Variants in MBD5 observed in about 807,000 individuals in gnomAD.
MBD5 encodes the protein methyl-CpG-binding domain protein 5.
In MBD5, 13 loss-of-function variants were observed where a neutral mutation model predicts 117.3. The ratio of observed to expected loss-of-function variants is 0.11; its 90% CI spans 0.07 to 0.18. MBD5 has a LOEUF of 0.18. Among genes scored for constraint, MBD5 ranks in the 10% least tolerant of loss-of-function variants. The pLI, the probability that MBD5 is intolerant of heterozygous loss-of-function variation, is 1.00. For synonymous variants in MBD5, 727 were observed against 766.4 expected, an observed-to-expected ratio of 0.95 and a Z score of 0.85; for missense variants, 1,879 against 2,093.8, an observed-to-expected ratio of 0.90 and a Z score of 2.00.
chr2:148,431,811 T>C (rs1031883258), intron 4 of MBD5, among the ~76,000 whole-genome samples: 3 of 152,222 alleles, frequency 2.0e-5, no homozygotes, highest in Admixed American at 1.3e-4. Flanking sequence ...TGATTCCATG[T>C]CTGTCCTGTT....
At chr2:148,288,830 T>C (rs1701431208) in intron 3 of MBD5, among the ~76,000 whole-genome samples, 1 of 152,238 alleles carries the variant, frequency 6.6e-6, no homozygotes, top group Non-Finnish European at 1.5e-5. Flanking sequence ...TTTTAAAGGC[T>C]GATGCTTATG....
At chr2:148,472,094 T>C in intron 8 of MBD5, 1 of 152,120 alleles carries the variant, frequency 6.6e-6, no homozygotes, top group East Asian at 1.9e-4. Context: ...TTCATTGATG[T>C]ATTTCAATTC....
intron 1 of MBD5, chr2:148,025,978 C>T (rs1036507655): frequency 6.6e-6 from 1 of 152,036 alleles, no homozygotes; most frequent in Non-Finnish European, 1.5e-5. Flanking sequence ...CATGTGTAAT[C>T]GAAAAGTATA....
At chr2:148,268,967 A>G (rs916115439) in intron 3 of MBD5, among the ~76,000 whole-genome samples, 1 of 151,986 alleles carries the variant, frequency 6.6e-6, no homozygotes, top group Non-Finnish European at 1.5e-5. Context: ...ACACTCAGTA[A>G]ATATTAAATG....
intron 3 of MBD5, among the ~76,000 whole-genome samples, chr2:148,303,554 C>A (rs1246616754): frequency 1.3e-5 from 2 of 151,840 alleles, no homozygotes; most frequent in Non-Finnish European, 2.9e-5. Flanking sequence ...GTTATTTTAA[C>A]TGACAAAAAA....
intron 4 of MBD5, among the ~76,000 whole-genome samples, chr2:148,394,383 C>CT (rs1483153750): frequency 1.3e-5 from 2 of 151,894 alleles, no homozygotes; most frequent in African/African-American, 4.8e-5. Flanking sequence ...TTATTCAAGT[C>CT]TATGTTATAA....
At chr2:148,295,268 TATCA>T (rs1701621676) in intron 3 of MBD5, among the ~76,000 whole-genome samples, 1 of 152,222 alleles carries the variant, frequency 6.6e-6, no homozygotes, top group Admixed American at 6.5e-5. Flanking sequence ...ACATAATCTC[TATCA>T]ATCTATCATC....
intron 3 of MBD5, among the ~76,000 whole-genome samples, chr2:148,313,054 C>T (rs1702070966): frequency 6.6e-6 from 1 of 152,110 alleles, no homozygotes; most frequent in African/African-American, 2.4e-5. Context: ...CCGCTAGATG[C>T]CAGCTGGAGC....
intron 5 of MBD5, among the ~76,000 whole-genome samples, chr2:148,460,903 T>C (rs1707050519): frequency 6.6e-6 from 1 of 152,170 alleles, no homozygotes; most frequent in Non-Finnish European, 1.5e-5. Flanking sequence ...TCATGAATGC[T>C]TCACATGAAA....
At chr2:148,509,498 G>A (rs1559108720) in intron 12 of MBD5, among the ~76,000 whole-genome samples, 1 of 152,164 alleles carries the variant, frequency 6.6e-6, no homozygotes, top group Non-Finnish European at 1.5e-5. Context: ...GGCCCTGGGG[G>A]GCAGGCTCCG....
At chr2:148,252,714 T>G (rs372786304) in intron 3 of MBD5, among the ~76,000 whole-genome samples, 100 of 152,262 alleles carry the variant, frequency 6.6e-4, no homozygotes, top group African/African-American at 2.3e-3. Context: ...GATGCCCAGC[T>G]AATTTTTGTA....
At chr2:148,454,690 C>T (rs959036548) in intron 4 of MBD5, among the ~76,000 whole-genome samples, 1 of 151,982 alleles carries the variant, frequency 6.6e-6, no homozygotes, top group African/African-American at 2.4e-5. Context: ...TAGTATTTAA[C>T]TTCATCTGTA....
chr2:148,219,034 T>A (rs1249338478), intron 2 of MBD5, among the ~76,000 whole-genome samples: 1 of 152,374 alleles, frequency 6.6e-6, no homozygotes, highest in East Asian at 1.9e-4. Context: ...TTAAATTGTT[T>A]AACTTCTTGA....
intron 3 of MBD5, among the ~76,000 whole-genome samples, chr2:148,319,352 G>A (rs1035917606): frequency 6.6e-6 from 1 of 152,116 alleles, no homozygotes; most frequent in African/African-American, 2.4e-5. Flanking sequence ...GGGCAGTCTG[G>A]TCATTTTAAC....
chr2:148,221,476 T>C (rs980704810), intron 2 of MBD5, among the ~76,000 whole-genome samples: 1 of 152,180 alleles, frequency 6.6e-6, no homozygotes, highest in Admixed American at 6.5e-5. Context: ...TGAGATGATA[T>C]CTCATTGTAG....
intron 4 of MBD5, among the ~76,000 whole-genome samples, chr2:148,403,868 C>A (rs1056421154): frequency 1.3e-5 from 2 of 152,124 alleles, no homozygotes; most frequent in Non-Finnish European, 1.5e-5. Flanking sequence ...ATGTTACCCA[C>A]CTCTTTCTTG....
At chr2:148,031,370 T>C (rs995674251) in intron 1 of MBD5, among the ~76,000 whole-genome samples, 31 of 151,862 alleles carry the variant, frequency 2.0e-4, no homozygotes, top group Non-Finnish European at 4.0e-4. Context: ...TTCTGTAGAG[T>C]TAATCACAGT....
intron 3 of MBD5, among the ~76,000 whole-genome samples, chr2:148,245,537 C>T (rs1169972400): frequency 6.6e-6 from 1 of 152,046 alleles, no homozygotes; most frequent in Non-Finnish European, 1.5e-5. Context: ...GCTGAGGCTG[C>T]AGTGAGCTCT....
At chr2:148,455,964 A>G (rs1164842356) in intron 4 of MBD5, among the ~76,000 whole-genome samples, 1 of 152,124 alleles carries the variant, frequency 6.6e-6, no homozygotes, top group Admixed American at 6.6e-5. Flanking sequence ...CACAAAGTTC[A>G]TACCACTTTC....
Sources: gnomAD v4.1 joint callset for allele counts (sites outside exome capture counted in the v4.1 genomes callset) on GRCh38, gnomAD v4.1.1 for gene constraint, MANE v1.5 for transcripts, NCBI Gene and HGNC (gene_info 2026-07-23, HGNC 2026-07-21) for gene names.